The following DRICH1 variants were observed in gnomAD, a reference collection of about 807,000 sequenced individuals.
DRICH1 encodes the protein aspartate rich 1, also known as aspartate-rich protein 1.
In DRICH1, 38 loss-of-function variants were observed where a neutral mutation model predicts 39.5. The ratio of observed to expected loss-of-function variants is 0.96; its 90% CI spans 0.74 to 1.26. DRICH1 has a LOEUF of 1.26. Among genes scored for constraint, DRICH1 ranks in the 50% most tolerant of loss-of-function variants. The pLI, the probability that DRICH1 is intolerant of heterozygous loss-of-function variation, is 0.00. For missense variants in DRICH1, 279 were observed against 270.4 expected, an observed-to-expected ratio of 1.03 and a Z score of -0.22; for synonymous variants, 84 against 99.5, an observed-to-expected ratio of 0.84 and a Z score of 0.93.
the DRICH1 span, among the ~76,000 whole-genome samples, chr22:23,594,371 C>T: frequency 6.6e-6 from 1 of 152,172 alleles, no homozygotes; most frequent in African/African-American, 2.4e-5. Context: ...GAGTTCAAGA[C>T]CAGCCTGGTC....
intron 4 of DRICH1, 93 bp from the exon 5 acceptor site, chr22:23,620,708 A>C: frequency 6.9e-7 from 1 of 1,441,556 alleles, no homozygotes; most frequent in Non-Finnish European, 9.8e-7. Context: ...ACTTCAGAAA[A>C]CTAGTTGTGA....
Position 23,631,855 on chromosome 22 carries a change from G to C in DRICH1, c.169C>G (p.Gln57Glu), listed in dbSNP as rs745617972. The change falls in exon 1 of 12, where the codon CAA becomes GAA. Residue 57 changes from glutamine (Q) to glutamate (E), a missense_variant. Transcript: ENST00000317749. ...TGGTTGCTGATGTGCTGCAGGTCTTGGCCCTCCGTGGCTCCCACATCCAGC... is the reference window on the plus strand; with the variant it reads ...TGGTTGCTGATGTGCTGCAGGTCTTCGCCCTCCGTGGCTCCCACATCCAGC... ...GKLDVGATEG[Q>E]DLQHISNQKM... The C allele has an allele frequency of 6.2e-7, 1 of 1,612,498 alleles. No individual in the cohort carries two copies. The highest frequency in any genetic ancestry group is 8.5e-7 in the Non-Finnish European group (1 of 1,180,020).
the DRICH1 span, among the ~76,000 whole-genome samples, chr22:23,596,911 TG>T: frequency 5.9e-5 from 9 of 151,746 alleles, no homozygotes; most frequent in African/African-American, 2.2e-4. Context: ...ATTGATCTTC[TG>T]TCTCATTGTT....
the DRICH1 span, among the ~76,000 whole-genome samples, chr22:23,582,257 G>A: frequency 5.5e-5 from 8 of 145,616 alleles, no homozygotes; most frequent in South Asian, 2.2e-4. Flanking sequence ...GTTTACAGGC[G>A]TGAGCCACCG....
chr22:23,585,979 G>A, the DRICH1 span, among the ~76,000 whole-genome samples: 5 of 152,262 alleles, frequency 3.3e-5, no homozygotes, highest in East Asian at 7.7e-4. Context: ...TATCTTTGAA[G>A]AGAATATGTA....
chr22:23,622,196 A>G lies in DRICH1; in HGVS notation c.299-20T>C, dbSNP rs1438794688. ...AAGAACCTGGAAGGACACAGAGGAA[A>G]GATCCGTGCCCTGGTTGATTGTGAC... On this transcript the variant is annotated intron_variant, in intron 3 of 11. Transcript: ENST00000317749. 1 of 1,609,104 alleles carries G rather than the reference A, an allele frequency of 6.2e-7. No individual in the cohort carries two copies. Among genetic ancestry groups the G allele is most frequent in the East Asian group, 2.2e-5 (1 of 44,850 alleles).
downstream of DRICH1, among the ~76,000 whole-genome samples, chr22:23,606,439 C>T (rs1926735379): frequency 6.6e-6 from 1 of 152,190 alleles, no homozygotes; most frequent in South Asian, 2.1e-4. Context: ...CCCTTCAAGA[C>T]CCCTTGGCCA....
chr22:23,628,657 A>C (rs918807421), intron 1 of DRICH1, among the ~76,000 whole-genome samples: 1 of 152,196 alleles, frequency 6.6e-6, no homozygotes, highest in African/African-American at 2.4e-5. Flanking sequence ...AGTGACTTCC[A>C]TAAGAGGTGA....
chr22:23,596,935 G>T, the DRICH1 span, among the ~76,000 whole-genome samples: 1 of 151,222 alleles, frequency 6.6e-6, no homozygotes, highest in Non-Finnish European at 1.5e-5. Flanking sequence ...AGCCAGTATT[G>T]ACAGTATAGT....
At chr22:23,613,410 G>T in intron 10 of DRICH1, 80 bp from the exon 11 acceptor site, 1 of 1,217,346 alleles carries the variant, frequency 8.2e-7, no homozygotes, top group Non-Finnish European at 1.2e-6. Flanking sequence ...AGCTGAAGCT[G>T]AGTGATGAGC....
At chr22:23,629,164 G>T (rs1443231709) in intron 1 of DRICH1, among the ~76,000 whole-genome samples, 1 of 151,880 alleles carries the variant, frequency 6.6e-6, no homozygotes, top group African/African-American at 2.4e-5. Flanking sequence ...TCAACCTCCC[G>T]AGTAGCTGGG....
chr22:23,632,438 C>T (rs1046633676), upstream of DRICH1: 7 of 250,742 alleles, frequency 2.8e-5, no homozygotes, highest in South Asian at 1.0e-4. Context: ...ACAGCCCCCC[C>T]CAATGCCTCA....
rs1384852971 is a variant in DRICH1, at chr22:23,608,717, T to C, written c.*47A>G. 1 of 1,550,454 alleles carries C rather than the reference T, an allele frequency of 6.4e-7. No individual in the cohort carries two copies. ...AAGCTGGGGACCCTGCAGCACGCGC[T>C]GGCCTGCCCTTTGGGTCAGCACCCT... On this transcript the variant is annotated 3_prime_UTR_variant, in exon 12 of 12. Coordinates refer to ENST00000317749, the MANE Select transcript of DRICH1 (RefSeq NM_016449.4).
chr22:23,627,692 A>G (rs893962707), intron 1 of DRICH1, among the ~76,000 whole-genome samples: 2 of 152,114 alleles, frequency 1.3e-5, no homozygotes, highest in Non-Finnish European at 2.9e-5. Context: ...CAGCCTGTCT[A>G]GACAGGATCA....
the DRICH1 span, among the ~76,000 whole-genome samples, chr22:23,596,807 C>T: frequency 6.6e-6 from 1 of 152,106 alleles, no homozygotes; most frequent in Non-Finnish European, 1.5e-5. Context: ...GAGAACATTC[C>T]ATGTGTGCTT....
At chr22:23,593,934 C>T in the DRICH1 span, among the ~76,000 whole-genome samples, 1 of 149,882 alleles carries the variant, frequency 6.7e-6, no homozygotes, top group East Asian at 2.0e-4. Context: ...GCTGAGATGT[C>T]ACCACTGCAC....
At chr22:23,632,438 C>G (rs1046633676), upstream of DRICH1, 19 of 250,860 alleles carry the variant, frequency 7.6e-5, no homozygotes, top group Admixed American at 5.1e-4. Context: ...ACAGCCCCCC[C>G]CAATGCCTCA....
chr22:23,629,999 C>T (rs1482346351), intron 1 of DRICH1, among the ~76,000 whole-genome samples: 2 of 152,194 alleles, frequency 1.3e-5, no homozygotes, highest in Non-Finnish European at 2.9e-5. Flanking sequence ...CCTGCTTTGA[C>T]CAAGTGCTGA....
chr22:23,631,191 G>A (rs546987532), intron 1 of DRICH1, among the ~76,000 whole-genome samples: 3 of 152,102 alleles, frequency 2.0e-5, no homozygotes, highest in Non-Finnish European at 4.4e-5. Context: ...AGGCCGAGGC[G>A]GGCAGATCAC....
Sources: gnomAD v4.1 joint callset for allele counts (sites outside exome capture counted in the v4.1 genomes callset) on GRCh38, gnomAD v4.1.1 for gene constraint, MANE v1.5 for transcripts, NCBI Gene and HGNC (gene_info 2026-07-23, HGNC 2026-07-21) for gene names.